The following IRAG2 variants were observed in gnomAD, a reference collection of about 807,000 sequenced individuals.
IRAG2 encodes the protein lymphoid restricted membrane protein.
A neutral mutation model predicts 69.9 loss-of-function variants in IRAG2; 45 were observed. That is an observed-to-expected ratio of 0.64 (90% CI 0.51 to 0.83). The LOEUF (loss-of-function observed/expected upper bound fraction) is 0.83, where lower values mean the gene tolerates loss of function less well. Ranked by LOEUF, IRAG2 falls within the 40% of genes least tolerant of loss-of-function variation. The probability of loss-of-function intolerance (pLI) is 0.00; values close to 1 mark genes in which losing one functional copy is unlikely to be tolerated. For synonymous variants in IRAG2, 193 were observed against 202.4 expected, an observed-to-expected ratio of 0.95 and a Z score of 0.40; for missense variants, 520 against 587.0, an observed-to-expected ratio of 0.89 and a Z score of 1.18.
intron 3 of IRAG2, among the ~76,000 whole-genome samples, chr12:25,012,143 CCTTTT>C (rs1249776976): frequency 4.6e-4 from 11 of 24,096 alleles, no homozygotes; most frequent in Non-Finnish European, 1.1e-3. Context: ...AAGCGAATTC[CCTTTT>C]TTTTTTTTTT....
intron 1 of IRAG2, among the ~76,000 whole-genome samples, chr12:25,060,900 T>C (rs1945588658): frequency 6.6e-6 from 1 of 151,932 alleles, no homozygotes; most frequent in South Asian, 2.1e-4. Context: ...AGTACTGGCC[T>C]AAAATGATCC....
chr12:25,020,999 A>G (rs1417052922), intron 7 of IRAG2: 2 of 553,132 alleles, frequency 3.6e-6, no homozygotes, highest in African/African-American at 1.9e-5. Flanking sequence ...ATCAGAAGTC[A>G]ATATCCTGAT....
intron 15 of IRAG2, among the ~76,000 whole-genome samples, chr12:25,037,614 A>C (rs1379944644): frequency 6.6e-6 from 1 of 152,194 alleles, no homozygotes; most frequent in Non-Finnish European, 1.5e-5. Context: ...TGAATATGAT[A>C]ATCTGTAAAT....
upstream of IRAG2, chr12:25,052,347 C>G (rs1287362045): frequency 5.0e-6 from 2 of 397,860 alleles, no homozygotes; most frequent in Admixed American, 8.8e-5. Flanking sequence ...TGTGGAGGAG[C>G]AGGTAGGGTG....
At chr12:25,080,847 A>G (rs7976028) in intron 9 of IRAG2, among the ~76,000 whole-genome samples, 64,501 of 152,002 alleles carry the variant, frequency 0.42, 13,881 homozygotes, top group South Asian at 0.53. Context: ...TACCTATCAT[A>G]TAGACAAAGA....
At position 25,079,681 on chromosome 12, in the gene IRAG2, G is replaced by T; in HGVS notation, c.162G>T (p.Met54Ile). 1 of 1,613,416 alleles carries T rather than the reference G, an allele frequency of 6.2e-7. No individual in the cohort carries two copies. Among genetic ancestry groups the T allele is most frequent in the Non-Finnish European group, 8.5e-7 (1 of 1,179,464 alleles). The part of the protein sequence containing the change: ...SSDPGLEILN[M>I]ASCDLDRNSL... The stretch of plus-strand genomic sequence containing the variant: ...ATCCTGGATTAGAAATTCTGAATAT[G>T]GCTTCTTGTGACCTTGACAGAAACT... The change falls in exon 9 of 22, where the codon ATG becomes ATT. Residue 54 changes from methionine (M) to isoleucine (I), a missense_variant. By Grantham distance (10) the Met-to-Ile change is conservative. Transcript: ENST00000556887.
intron 7 of IRAG2, among the ~76,000 whole-genome samples, chr12:25,021,619 G>A (rs1944581779): frequency 6.6e-6 from 1 of 152,096 alleles, no homozygotes; most frequent in Non-Finnish European, 1.5e-5. Context: ...AGGTTCAACT[G>A]TTGTATAAAG....
chr12:25,023,151 A>T (rs1279184190), intron 7 of IRAG2, among the ~76,000 whole-genome samples: 1 of 150,630 alleles, frequency 6.6e-6, no homozygotes, highest in African/African-American at 2.4e-5. Flanking sequence ...AAAAAGAAAA[A>T]GTAGGGCCAG....
the IRAG2 span, among the ~76,000 whole-genome samples, chr12:24,999,239 T>C: frequency 2.0e-5 from 3 of 152,230 alleles, no homozygotes; most frequent in Non-Finnish European, 4.4e-5. Context: ...GAGGTTGATG[T>C]TGAAGTCTGC....
chr12:25,060,750 T>C (rs1284136826), intron 1 of IRAG2, among the ~76,000 whole-genome samples: 1 of 138,588 alleles, frequency 7.2e-6, no homozygotes. Flanking sequence ...AACCTTCACC[T>C]CCCAGGTTCA....
intron 7 of IRAG2, among the ~76,000 whole-genome samples, chr12:25,022,229 T>C (rs1944586958): frequency 6.6e-6 from 1 of 152,190 alleles, no homozygotes; most frequent in Non-Finnish European, 1.5e-5. Context: ...TTGATTAAAG[T>C]GCAGAATTTT....
Position 25,052,954 on chromosome 12 carries a change from A to T in IRAG2, c.-449A>T. ...CTTCAGCAGAAGACAAGGAAACTGAAGAGTGAGTAGCAAATATTCATTTAT... is the reference window on the plus strand; with the variant it reads ...CTTCAGCAGAAGACAAGGAAACTGATGAGTGAGTAGCAAATATTCATTTAT... On this transcript the variant is annotated splice_region_variant and 5_prime_UTR_variant, in exon 1 of 22. In the 5' UTR this introduces an upstream ATG that the reference lacks. Coordinates refer to ENST00000556887, the MANE Select transcript of IRAG2 (RefSeq NM_001366544.2). The T allele has an allele frequency of 2.5e-6, 1 of 398,616 alleles. No homozygotes were observed. Among genetic ancestry groups the T allele is most frequent in the Non-Finnish European group, 4.4e-6 (1 of 226,040 alleles). The allele number at this position is 398,616 out of a possible 1,614,324, so 24.7% of individuals were successfully genotyped here.
chr12:25,066,158 A>G (rs886286546), intron 4 of IRAG2, among the ~76,000 whole-genome samples: 2 of 151,904 alleles, frequency 1.3e-5, no homozygotes, highest in Non-Finnish European at 2.9e-5. Context: ...TATTAATATT[A>G]CTATCATTCC....
At chr12:25,045,457 A>T (rs1411343373) in intron 16 of IRAG2, among the ~76,000 whole-genome samples, 1 of 152,040 alleles carries the variant, frequency 6.6e-6, no homozygotes, top group Non-Finnish European at 1.5e-5. Flanking sequence ...AAACTAAGAG[A>T]TGGATTTTTG....
At chr12:25,044,916 C>A (rs1297003864) in intron 16 of IRAG2, among the ~76,000 whole-genome samples, 3 of 152,058 alleles carry the variant, frequency 2.0e-5, no homozygotes, top group Non-Finnish European at 2.9e-5. Flanking sequence ...AGTAAATGGA[C>A]CTAACACAGA....
rs377294505 is a variant in IRAG2 at position 25,079,236 on chromosome 12, T to C, written c.25-8T>C. ...GTTGAACTTATGTCTCCTTTCTTTT[T>C]CCTTAAGGAGAATGGTGTTGAACGC... On this transcript the variant is annotated splice_polypyrimidine_tract_variant and splice_region_variant and intron_variant, in intron 6 of 21. Transcript: ENST00000556887. 437 of 1,613,986 alleles carry C rather than the reference T, an allele frequency of 2.7e-4. 2 individuals carry two copies. Among genetic ancestry groups the C allele is most frequent in the Middle Eastern group, 6.6e-4 (4 of 6,062 alleles).
intron 15 of IRAG2, among the ~76,000 whole-genome samples, chr12:25,099,628 T>C (rs1286391544): frequency 1.3e-5 from 2 of 152,088 alleles, no homozygotes; most frequent in Non-Finnish European, 2.9e-5. Context: ...CTTTTAAAAT[T>C]AGATTGTGTT....
chr12:25,052,468 A>G (rs761673112), upstream of IRAG2: 1 of 396,982 alleles, frequency 2.5e-6, no homozygotes, highest in Non-Finnish European at 4.4e-6. Flanking sequence ...GCAAAGAGGA[A>G]CTGCAAGTTC....
rs115982863 is a variant in IRAG2, at chr12:25,017,251, G to A, written c.1173G>A (p.Gln391=). ...AAACCCTGGAAGAAACTAACAGCCA[G>A]TTATCAGAGGACTGTACCGAATTGC... is the stretch of plus-strand genomic sequence containing the variant. Residue 391 remains glutamine, a synonymous_variant, in exon 6 of 39, where the codon CAG becomes CAA. Transcript: ENST00000636465. The A allele has an allele frequency of 4.5e-3, 5,537 of 1,232,144 alleles. 145 individuals carry two copies. The African/African-American group carries it at 0.063, about 14-fold the overall frequency. 76.3% of individuals were successfully genotyped at this position (1,232,144 alleles called of 1,614,324 possible).
Sources: allele counts gnomAD v4.1 joint callset (sites outside exome capture counted in the v4.1 genomes callset), GRCh38; gene constraint gnomAD v4.1.1; transcripts MANE v1.5; gene names NCBI Gene and HGNC (gene_info 2026-07-23, HGNC 2026-07-21).